Variants in NRF1 observed in about 807,000 individuals in gnomAD.
NRF1 encodes the protein nuclear respiratory factor 1.
Under a neutral mutation model 58.5 loss-of-function variants are expected in NRF1, and 5 were observed. The ratio of observed to expected loss-of-function variants is 0.09; its 90% CI spans 0.04 to 0.18. The LOEUF is 0.18. NRF1 is among the 10% of genes least tolerant of loss of function. The probability of loss-of-function intolerance (pLI) is 1.00; values close to 1 mark genes in which losing one functional copy is unlikely to be tolerated. For synonymous variants in NRF1, 224 were observed against 246.7 expected, an observed-to-expected ratio of 0.91 and a Z score of 0.86; for missense variants, 288 against 657.7, an observed-to-expected ratio of 0.44 and a Z score of 6.15.
chr7:129,659,821 T>C (rs1801741442), intron 2 of NRF1, among the ~76,000 whole-genome samples: 1 of 152,230 alleles, frequency 6.6e-6, no homozygotes, highest in Non-Finnish European at 1.5e-5. Context: ...TCCTCACTTG[T>C]ATGTCTCTTA....
chr7:129,624,960 C>T (rs1213523263), intron 1 of NRF1, among the ~76,000 whole-genome samples: 1 of 152,086 alleles, frequency 6.6e-6, no homozygotes, highest in Non-Finnish European at 1.5e-5. Flanking sequence ...GGACTGCATT[C>T]GTTTCCTGGG....
chr7:129,735,062 C>G (rs1258772209), intron 10 of NRF1: 2 of 985,456 alleles, frequency 2.0e-6, no homozygotes, highest in Non-Finnish European at 2.4e-6. Flanking sequence ...GGGTCTTCCA[C>G]TTGGCTCTGC....
intron 1 of NRF1, among the ~76,000 whole-genome samples, chr7:129,636,826 G>GCC (rs1438220400): frequency 3.9e-5 from 6 of 152,134 alleles, no homozygotes; most frequent in African/African-American, 1.4e-4. Context: ...TTGCAAAGCT[G>GCC]CCAGGGTGTT....
intron 2 of NRF1, among the ~76,000 whole-genome samples, chr7:129,667,523 G>A: frequency 6.6e-6 from 1 of 151,376 alleles, no homozygotes; most frequent in Non-Finnish European, 1.5e-5. Context: ...AATATGTATT[G>A]TAATTATTTT....
intron 2 of NRF1, among the ~76,000 whole-genome samples, chr7:129,669,696 C>T (rs950491335): frequency 1.3e-5 from 2 of 152,096 alleles, no homozygotes; most frequent in Non-Finnish European, 2.9e-5. Flanking sequence ...AAACTAGTGG[C>T]GGTGAGGTCG....
chr7:129,712,972 A>C (rs1386752554), intron 8 of NRF1, among the ~76,000 whole-genome samples: 1 of 152,206 alleles, frequency 6.6e-6, no homozygotes, highest in Non-Finnish European at 1.5e-5. Context: ...CAAAGTTATC[A>C]ACCATATGTC....
chr7:129,654,017 A>C (rs772893100), intron 1 of NRF1, among the ~76,000 whole-genome samples: 1 of 152,220 alleles, frequency 6.6e-6, no homozygotes, highest in Non-Finnish European at 1.5e-5. Flanking sequence ...TTGTATGGTA[A>C]GAGTATGTTT....
chr7:129,742,288 A>AC (rs1241946944), intron 10 of NRF1, among the ~76,000 whole-genome samples: 13 of 151,656 alleles, frequency 8.6e-5, no homozygotes, highest in Admixed American at 5.9e-4. Flanking sequence ...AAAAAAAAAA[A>AC]AAAACAAAAA....
intron 1 of NRF1, among the ~76,000 whole-genome samples, chr7:129,621,712 G>A (rs1308747998): frequency 6.6e-6 from 1 of 151,850 alleles, no homozygotes; most frequent in Non-Finnish European, 1.5e-5. Context: ...GTGGTAATGC[G>A]ACTGAGTGTT....
At chr7:129,683,568 A>C (rs1319868229) in intron 4 of NRF1, among the ~76,000 whole-genome samples, 2 of 146,546 alleles carry the variant, frequency 1.4e-5, no homozygotes, top group Admixed American at 1.4e-4. Context: ...GACCTCAGGT[A>C]ATCCACCTGC....
intron 2 of NRF1, among the ~76,000 whole-genome samples, chr7:129,669,629 G>A (rs1341902964): frequency 6.6e-6 from 1 of 152,212 alleles, no homozygotes; most frequent in Non-Finnish European, 1.5e-5. Context: ...AAACATCTCT[G>A]TAAGGAAGAC....
rs555061922 is a variant in NRF1, at chr7:129,743,022, A to G, written c.1349-11996A>G. Among the ~76,000 whole-genome samples the G allele has an allele frequency of 1.9e-3, 285 of 152,162 alleles. 1 individual carries two copies. Among genetic ancestry groups the G allele is most frequent in the African/African-American group, 6.2e-3 (256 of 41,520 alleles). Reference sequence around the variant, plus strand: ...TGCTTAAGGAAGCCTGGGAGTTTCTATTGCAGGCTTGTTGGAAGGAAAAAA... The same window carrying G: ...TGCTTAAGGAAGCCTGGGAGTTTCTGTTGCAGGCTTGTTGGAAGGAAAAAA... On this transcript the variant is annotated intron_variant, in intron 10 of 10. Transcript: ENST00000393232.
intron 10 of NRF1, among the ~76,000 whole-genome samples, chr7:129,729,022 T>G (rs1803517559): frequency 6.6e-6 from 1 of 152,222 alleles, no homozygotes; most frequent in African/African-American, 2.4e-5. Context: ...TAAGGCACCC[T>G]GAGCAAAGGG....
intron 1 of NRF1, among the ~76,000 whole-genome samples, chr7:129,637,788 G>A (rs545067107): frequency 4.6e-5 from 7 of 152,076 alleles, no homozygotes; most frequent in Non-Finnish European, 1.0e-4. Flanking sequence ...GCTGCATGCG[G>A]CCCAGGATGC....
At position 129,657,876 on chromosome 7, in the gene NRF1, A is replaced by G. The variant is rs545033029; in HGVS notation, c.223+302A>G. Among the ~76,000 whole-genome samples, 11 of 152,186 alleles carry G rather than the reference A, an allele frequency of 7.2e-5. No homozygotes were observed. The South Asian group carries it at 2.3e-3, about 32-fold the overall frequency. ...TCCTTCTGCCTCGGCCTCCTAAATT[A>G]TTGGCATTACGGGTGTGAGTTACTA... On this transcript the variant is annotated intron_variant, in intron 2 of 10. Coordinates refer to ENST00000393232, the MANE Select transcript of NRF1 (RefSeq NM_005011.5).
chr7:129,621,336 C>T (rs1423704408), intron 1 of NRF1, among the ~76,000 whole-genome samples: 2 of 152,064 alleles, frequency 1.3e-5, no homozygotes, highest in South Asian at 2.1e-4. Flanking sequence ...TTGGTAAATA[C>T]AAGAATGATA....
chr7:129,744,114 C>T, intron 10 of NRF1: 1 of 1,463,194 alleles, frequency 6.8e-7, no homozygotes, highest in Non-Finnish European at 9.2e-7. Flanking sequence ...GGGCTGGTGG[C>T]CCATCTTGCC....
chr7:129,611,777 G>A lies in NRF1; in HGVS notation c.-54G>A. 3.6e-6 allele frequency: 1 copy of A among 279,130 alleles called. No individual in the cohort carries two copies. The highest frequency in any genetic ancestry group is 6.7e-6 in the Non-Finnish European group (1 of 149,596). 17.3% of individuals were successfully genotyped at this position (279,130 alleles called of 1,614,324 possible). ...GCAGGAGGCTGCGAGGAGCCGGCGCGGTCGCAGTCTCCACGGCGCAGGCCC... is the reference window on the plus strand; with the variant it reads ...GCAGGAGGCTGCGAGGAGCCGGCGCAGTCGCAGTCTCCACGGCGCAGGCCC... On this transcript the variant is annotated 5_prime_UTR_variant, in exon 1 of 11. Coordinates refer to ENST00000393232, the MANE Select transcript of NRF1 (RefSeq NM_005011.5).
At chr7:129,698,461 T>G in intron 5 of NRF1, among the ~76,000 whole-genome samples, 1 of 152,150 alleles carries the variant, frequency 6.6e-6, no homozygotes, top group East Asian at 1.9e-4. Context: ...CTATACTTAC[T>G]CCATATCTAT....
Sources: gnomAD v4.1 joint callset for allele counts (sites outside exome capture counted in the v4.1 genomes callset) on GRCh38, gnomAD v4.1.1 for gene constraint, MANE v1.5 for transcripts, NCBI Gene and HGNC (gene_info 2026-07-23, HGNC 2026-07-21) for gene names.